Variants in RAPGEF1 observed in about 807,000 individuals in gnomAD.
The protein encoded by RAPGEF1 is CRK SH3-binding GNRP.
A neutral mutation model predicts 143.3 loss-of-function variants in RAPGEF1; 33 were observed. The ratio of observed to expected loss-of-function variants is 0.23; its 90% CI spans 0.17 to 0.31. The LOEUF (loss-of-function observed/expected upper bound fraction) is 0.31. Ranked by LOEUF, RAPGEF1 falls within the 10% of genes least tolerant of loss-of-function variation. The pLI, the probability that RAPGEF1 is intolerant of heterozygous loss-of-function variation, is 1.00. For synonymous variants in RAPGEF1, 629 were observed against 676.5 expected, an observed-to-expected ratio of 0.93 and a Z score of 1.09; for missense variants, 1,199 against 1,645.4, an observed-to-expected ratio of 0.73 and a Z score of 4.69.
At chr9:131,717,092 G>A (rs1439358962) in intron 1 of RAPGEF1, among the ~76,000 whole-genome samples, 2 of 152,214 alleles carry the variant, frequency 1.3e-5, no homozygotes, top group Non-Finnish European at 2.9e-5. Flanking sequence ...GACCATGGCA[G>A]TATTGGAAGG....
At chr9:131,644,126 G>C (rs1968859612) in intron 3 of RAPGEF1, among the ~76,000 whole-genome samples, 1 of 152,202 alleles carries the variant, frequency 6.6e-6, no homozygotes, top group Non-Finnish European at 1.5e-5. Context: ...CTGCTCCTGA[G>C]AGAAGCCCAC....
At chr9:131,635,136 C>T (rs982866461) in intron 5 of RAPGEF1, among the ~76,000 whole-genome samples, 1 of 152,112 alleles carries the variant, frequency 6.6e-6, no homozygotes, top group African/African-American at 2.4e-5. Flanking sequence ...TCACTGTGAG[C>T]CGTTAGAAAT....
intron 1 of RAPGEF1, among the ~76,000 whole-genome samples, chr9:131,712,065 C>T (rs563220001): frequency 6.6e-6 from 1 of 152,238 alleles, no homozygotes; most frequent in East Asian, 1.9e-4. Flanking sequence ...GCCTGAGAGT[C>T]CAAACTTGGC....
chr9:131,609,600 C>A (rs1588420356), intron 12 of RAPGEF1, among the ~76,000 whole-genome samples: 1 of 152,108 alleles, frequency 6.6e-6, no homozygotes, highest in Non-Finnish European at 1.5e-5. Context: ...GCAGGACAGG[C>A]AGGGAAAAGG....
chr9:131,619,564 A>T (rs1318374688), intron 11 of RAPGEF1, among the ~76,000 whole-genome samples: 1 of 152,088 alleles, frequency 6.6e-6, no homozygotes, highest in East Asian at 1.9e-4. Flanking sequence ...CGTCTTCAGA[A>T]CTCAGACGGG....
Position 131,580,757 on chromosome 9 carries a change from T to C in RAPGEF1, c.3513-366A>G, listed in dbSNP as rs115481750. On this transcript the variant is annotated intron_variant, in intron 25 of 26. Coordinates refer to ENST00000683357, the MANE Select transcript of RAPGEF1 (RefSeq NM_001377935.1). ...CAGGGGGCAGGGGCAGAGATCTCCT[T>C]TTATTAACAGGTGTGGTGGGCTGGG... 4.4e-3 allele frequency among the ~76,000 whole-genome samples: 665 copies of C among 152,168 alleles called. 7 individuals are homozygous for C. Among genetic ancestry groups the C allele is most frequent in the African/African-American group, 0.015 (634 of 41,514 alleles).
chr9:131,598,827 CT>C (rs10647202), intron 15 of RAPGEF1, among the ~76,000 whole-genome samples: 59 of 138,906 alleles, frequency 4.2e-4, no homozygotes, highest in Non-Finnish European at 5.1e-4. Flanking sequence ...TATTTATTTG[CT>C]TTTTTTTTTT....
At chr9:131,631,343 CCCAGCCCCTGGCAGCTGCCAAT>C (rs1456861983) in intron 5 of RAPGEF1, among the ~76,000 whole-genome samples, 1 of 152,250 alleles carries the variant, frequency 6.6e-6, no homozygotes, top group African/African-American at 2.4e-5. Context: ...CCCCTCGACC[CCCAGCCCCTGGCAGCTGCCAAT>C]CCATTTCCTG....
intron 5 of RAPGEF1, among the ~76,000 whole-genome samples, chr9:131,631,434 T>G (rs1180631857): frequency 6.6e-6 from 1 of 152,256 alleles, no homozygotes. Context: ...GTGCTTCGTG[T>G]GGGCGAGGCG....
intron 1 of RAPGEF1, among the ~76,000 whole-genome samples, chr9:131,702,722 C>A (rs984565881): frequency 2.0e-5 from 3 of 152,076 alleles, no homozygotes; most frequent in Admixed American, 6.5e-5. Context: ...GGACATCATC[C>A]AACAGAATCA....
chr9:131,596,871 A>T (rs2132372949), intron 16 of RAPGEF1, among the ~76,000 whole-genome samples: 1 of 152,366 alleles, frequency 6.6e-6, no homozygotes, highest in East Asian at 1.9e-4. Flanking sequence ...CCCAGGTGGA[A>T]GTAGAAGTTA....
intron 1 of RAPGEF1, among the ~76,000 whole-genome samples, chr9:131,715,374 G>A (rs1219106115): frequency 6.6e-6 from 1 of 152,158 alleles, no homozygotes; most frequent in African/African-American, 2.4e-5. Context: ...CAAAGGGGCA[G>A]TGTGTATGAA....
chr9:131,706,308 G>T (rs921312294), intron 1 of RAPGEF1, among the ~76,000 whole-genome samples: 101 of 151,914 alleles, frequency 6.6e-4, no homozygotes, highest in Non-Finnish European at 2.5e-4. Flanking sequence ...TGTCACCCAG[G>T]CTGGAGTGCA....
chr9:131,592,268 TGA>T, intron 17 of RAPGEF1, 85 bp from the exon 18 acceptor site: 1 of 1,104,988 alleles, frequency 9.0e-7, no homozygotes, highest in Non-Finnish European at 1.4e-6. Flanking sequence ...GTCCTTGCTC[TGA>T]GAGAGGCAGG....
intron 1 of RAPGEF1, chr9:131,725,129 G>C (rs1394254482): frequency 6.6e-6 from 1 of 152,196 alleles, no homozygotes; most frequent in South Asian, 2.1e-4. Context: ...ACTTAGGTAT[G>C]TATGTATGTA....
chr9:131,739,894 G>A lies in RAPGEF1; in HGVS notation c.-64C>T, dbSNP rs1837643669. ...CGCGCCCGCCGCTCGCCTCGGCCCT[G>A]GCTCGCCACGCCTCAGACCCGCGCC... On this transcript the variant is annotated 5_prime_UTR_variant, in exon 1 of 27. Coordinates refer to ENST00000683357, the MANE Select transcript of RAPGEF1 (RefSeq NM_001377935.1). 1 of 924,664 alleles carries A rather than the reference G, an allele frequency of 1.1e-6. No homozygotes were observed. The highest frequency in any genetic ancestry group is 1.8e-5 in the African/African-American group (1 of 55,376). 57.3% of individuals were successfully genotyped at this position (924,664 alleles called of 1,614,324 possible).
intron 20 of RAPGEF1, among the ~76,000 whole-genome samples, chr9:131,588,385 A>ACG (rs1223926070): frequency 6.6e-6 from 1 of 152,174 alleles, no homozygotes; most frequent in Non-Finnish European, 1.5e-5. Context: ...TGCCAAAGAA[A>ACG]CGAAGGCTAT....
chr9:131,634,743 A>C (rs1965888389), intron 5 of RAPGEF1, among the ~76,000 whole-genome samples: 1 of 149,846 alleles, frequency 6.7e-6, no homozygotes, highest in South Asian at 2.1e-4. Flanking sequence ...AAAAAAAGAA[A>C]ATGATCACAG....
intron 12 of RAPGEF1, 64 bp downstream of exon 12, chr9:131,618,987 C>A (rs1410801027): frequency 1.6e-6 from 2 of 1,281,560 alleles, no homozygotes; most frequent in Non-Finnish European, 2.1e-6. Flanking sequence ...GGCTGAGGCA[C>A]ACGCTTCCAA....
Sources: allele counts gnomAD v4.1 joint callset (sites outside exome capture counted in the v4.1 genomes callset), GRCh38; gene constraint gnomAD v4.1.1; transcripts MANE v1.5; gene names NCBI Gene and HGNC (gene_info 2026-07-23, HGNC 2026-07-21).